The following NFX1 variants were observed in gnomAD, a reference collection of about 807,000 sequenced individuals.
The protein encoded by NFX1 is nuclear transcription factor, X-box binding 1.
In NFX1, 69 loss-of-function variants were observed where a neutral mutation model predicts 137.2. The ratio of observed to expected loss-of-function variants is 0.50; its 90% CI spans 0.41 to 0.61. The LOEUF (loss-of-function observed/expected upper bound fraction) is 0.61, where lower values mean the gene tolerates loss of function less well. Among genes scored for constraint, NFX1 ranks in the 20% least tolerant of loss-of-function variants. The pLI is 0.00. For missense variants in NFX1, 1,167 were observed against 1,391.0 expected, an observed-to-expected ratio of 0.84 and a Z score of 2.56; for synonymous variants, 495 against 474.1, an observed-to-expected ratio of 1.04 and a Z score of -0.57.
intron 5 of NFX1, among the ~76,000 whole-genome samples, chr9:33,310,459 T>C (rs1161840011): frequency 6.6e-6 from 1 of 152,206 alleles, no homozygotes; most frequent in Non-Finnish European, 1.5e-5. Flanking sequence ...CTTTTTTCTA[T>C]TGGTCTCTAT....
At chr9:33,291,066 C>T (rs939286264) in intron 1 of NFX1, among the ~76,000 whole-genome samples, 2 of 152,342 alleles carry the variant, frequency 1.3e-5, no homozygotes, top group African/African-American at 4.8e-5. Context: ...TCTCAGTCTC[C>T]TCATCTGTCA....
chr9:33,341,334 A>G (rs1170693024), intron 12 of NFX1, among the ~76,000 whole-genome samples: 1 of 152,136 alleles, frequency 6.6e-6, no homozygotes, highest in Non-Finnish European at 1.5e-5. Flanking sequence ...AGACTTATTC[A>G]CTATCATGAG....
chr9:33,301,137 A>C (rs1394167737), intron 2 of NFX1, 126 bp from the exon 3 acceptor site: 1 of 859,988 alleles, frequency 1.2e-6, no homozygotes, highest in African/African-American at 1.7e-5. Flanking sequence ...CCAGAATCAG[A>C]TATCCCTTAA....
intron 21 of NFX1, 29 bp from the exon 22 acceptor site, chr9:33,366,600 T>C: frequency 6.2e-7 from 1 of 1,611,842 alleles, no homozygotes; most frequent in Non-Finnish European, 8.5e-7. Flanking sequence ...AATGATATGA[T>C]CAATCAGTCA....
intron 17 of NFX1, chr9:33,353,001 C>CTTTTT: frequency 3.1e-6 from 1 of 325,598 alleles, no homozygotes; most frequent in Non-Finnish European, 5.7e-6. Context: ...CCTTGGCCTC[C>CTTTTT]CAAAGTGCTG....
rs747333586 is a variant in NFX1 at position 33,295,400 on chromosome 9, G to A, written c.1006G>A (p.Val336Met). ...SPFSRGKQNH[V>M]LKNVETHTGS... The stretch of plus-strand genomic sequence containing the variant: ...TTTCTCCCGAGGCAAACAGAACCAT[G>A]TGCTAAAGAATGTGGAAACGCACAC... Residue 336 changes from valine to methionine, a missense_variant, in exon 2 of 24, where the codon GTG becomes ATG. Coordinates refer to ENST00000379540, the MANE Select transcript of NFX1 (RefSeq NM_002504.6). The A allele has an allele frequency of 8.1e-6, 13 of 1,613,476 alleles. 1 individual carries two copies. The South Asian group carries it at 1.3e-4, about 16-fold the overall frequency.
rs770840877 is a variant in NFX1 at position 33,294,609 on chromosome 9, G to C, written c.215G>C (p.Ser72Thr). The C allele has an allele frequency of 6.2e-7, 1 of 1,614,054 alleles. No individual in the cohort carries two copies. Among genetic ancestry groups the C allele is most frequent in the Non-Finnish European group, 8.5e-7 (1 of 1,180,042 alleles). The change falls in exon 2 of 24, where the codon AGT (serine) becomes ACT (threonine). Residue 72 changes from serine to threonine, a missense_variant. By Grantham distance (58) the Ser-to-Thr change is moderately conservative. This residue lies in a region of NFX1 where 367 missense variants were observed against 386.7 expected (regional missense o/e 0.95). Transcript: ENST00000379540. ...YDEISAVHQH[S>T]YHPSGSKPKS... is the part of the protein sequence containing the mutation. The stretch of plus-strand genomic sequence containing the variant: ...GAAATCTCTGCTGTTCATCAGCATA[G>C]TTATCATCCGTCAGGAAGCAAACCT...
chr9:33,303,880 A>ATTTTTCAGATTTTGTTTC (rs534638969), intron 4 of NFX1, among the ~76,000 whole-genome samples: 105 of 151,618 alleles, frequency 6.9e-4, no homozygotes, highest in African/African-American at 2.4e-3. Flanking sequence ...CTAGTTGTTG[A>ATTTTTCAGATTTTGTTTC]TTTTTCAGAT....
At chr9:33,333,100 C>T (rs1165900308) in intron 11 of NFX1, among the ~76,000 whole-genome samples, 2 of 152,222 alleles carry the variant, frequency 1.3e-5, no homozygotes, top group Non-Finnish European at 2.9e-5. Context: ...CCCGCCTCGG[C>T]CTCCCAAAGT....
intron 13 of NFX1, 57 bp downstream of exon 13, chr9:33,342,911 T>C (rs1162296251): frequency 1.4e-5 from 16 of 1,138,140 alleles, no homozygotes; most frequent in Non-Finnish European, 2.0e-5. Flanking sequence ...TCAGACATAA[T>C]ATACTTTGAG....
chr9:33,299,602 C>T (rs963875392), intron 2 of NFX1, among the ~76,000 whole-genome samples: 9 of 152,194 alleles, frequency 5.9e-5, no homozygotes, highest in African/African-American at 1.9e-4. Context: ...GTGGGAGGAT[C>T]GCTTGGGCCC....
chr9:33,315,361 G>T (rs112772680), intron 7 of NFX1, among the ~76,000 whole-genome samples: 9 of 152,220 alleles, frequency 5.9e-5, no homozygotes, highest in African/African-American at 2.2e-4. Flanking sequence ...GTATTTTTAG[G>T]TAGGCTGTTT....
At position 33,328,615 on chromosome 9, in the gene NFX1, A is replaced by G. The variant is rs893988936; in HGVS notation, c.1941A>G (p.Glu647=). 1 of 1,612,252 alleles carries G rather than the reference A, an allele frequency of 6.2e-7. No homozygotes were observed. The highest frequency in any genetic ancestry group is 8.5e-7 in the Non-Finnish European group (1 of 1,178,486). ...ATACCTGTGAAAAGCTCTGCCATGA[A>G]GGAGACTGTGGACCATGCTCTCGCA... ...FIHTCEKLCH[E]GDCGPCSRTS... The change falls in exon 10 of 24, where the codon GAA becomes GAG. Residue 647 remains glutamate (E), a synonymous_variant. Transcript: ENST00000379540.
At chr9:33,299,095 C>G (rs750842407) in intron 2 of NFX1, among the ~76,000 whole-genome samples, 34 of 152,150 alleles carry the variant, frequency 2.2e-4, no homozygotes, top group Non-Finnish European at 4.3e-4. Flanking sequence ...AAAGATAGTT[C>G]AAAGAATTCC....
chr9:33,324,201 A>C (rs768699939), intron 9 of NFX1, among the ~76,000 whole-genome samples: 9 of 152,118 alleles, frequency 5.9e-5, no homozygotes, highest in Non-Finnish European at 1.2e-4. Context: ...CAACATGGTG[A>C]AATCTCGTCT....
At chr9:33,315,213 G>A (rs561638298) in intron 7 of NFX1, among the ~76,000 whole-genome samples, 21 of 147,142 alleles carry the variant, frequency 1.4e-4, no homozygotes, top group Non-Finnish European at 2.4e-4. Flanking sequence ...CAACAAGAGC[G>A]GAACTCTGTC....
chr9:33,358,325 C>T (rs1308467004), intron 19 of NFX1, among the ~76,000 whole-genome samples: 5 of 152,038 alleles, frequency 3.3e-5, no homozygotes, highest in African/African-American at 4.8e-5. Flanking sequence ...GGTGTTTCAC[C>T]ATGTTAGCCA....
intron 15 of NFX1, among the ~76,000 whole-genome samples, chr9:33,350,457 G>A (rs1823597223): frequency 6.6e-6 from 1 of 152,154 alleles, no homozygotes; most frequent in Non-Finnish European, 1.5e-5. Context: ...AAGATCATCT[G>A]CCCCTGCCAG....
At chr9:33,328,392 G>T (rs1027937913) in intron 9 of NFX1, among the ~76,000 whole-genome samples, 189 bp from the exon 10 acceptor site, 1 of 152,106 alleles carries the variant, frequency 6.6e-6, no homozygotes, top group Non-Finnish European at 1.5e-5. Context: ...GGGCCCTGAA[G>T]TTGTCAGAAA....
Sources: allele counts gnomAD v4.1 joint callset (sites outside exome capture counted in the v4.1 genomes callset), GRCh38; gene constraint gnomAD v4.1.1; regional missense constraint gnomAD v4.1.1; transcripts MANE v1.5; gene names NCBI Gene and HGNC (gene_info 2026-07-23, HGNC 2026-07-21).